TRPC5: variants seen among roughly 807,000 people sequenced by gnomAD.
TRPC5 encodes the protein short transient receptor potential channel 5.
In TRPC5, 9 loss-of-function variants were observed where a neutral mutation model predicts 56.5. That is an observed-to-expected ratio of 0.16 (90% CI 0.10 to 0.28). The LOEUF (loss-of-function observed/expected upper bound fraction) is 0.28, where lower values mean the gene tolerates loss of function less well. Among genes scored for constraint, TRPC5 ranks in the 10% least tolerant of loss-of-function variants. The pLI is 1.00. For synonymous variants in TRPC5, 282 were observed against 278.5 expected, an observed-to-expected ratio of 1.01 and a Z score of -0.13; for missense variants, 469 against 748.9, an observed-to-expected ratio of 0.63 and a Z score of 4.36.
At chrX:112,004,594 A>G (rs151139575) in intron 1 of TRPC5, among the ~76,000 whole-genome samples, 55 of 111,931 alleles carry the variant, frequency 4.9e-4, no homozygotes, top group African/African-American at 1.6e-3. Flanking sequence ...TCAGGTCCAT[A>G]TTAGACCTTC....
chrX:111,855,595 C>T (rs1923202543), intron 3 of TRPC5, among the ~76,000 whole-genome samples: 1 of 112,109 alleles, frequency 8.9e-6, no homozygotes, highest in Non-Finnish European at 1.9e-5. Context: ...TATGAAACTA[C>T]CAAAAATAAG....
intron 7 of TRPC5, among the ~76,000 whole-genome samples, chrX:111,824,867 A>G (rs972672510): frequency 4.5e-5 from 5 of 111,940 alleles, no homozygotes; most frequent in Non-Finnish European, 9.4e-5. Flanking sequence ...CAATCCTTAC[A>G]GTGTTACCGC....
At chrX:111,942,327 G>T (rs3944092) in intron 2 of TRPC5, among the ~76,000 whole-genome samples, 11,354 of 111,921 alleles carry the variant, frequency 0.1, 548 homozygotes, top group African/African-American at 0.19. Flanking sequence ...TTAGAAAGTT[G>T]AACAGAACTA....
intron 7 of TRPC5, among the ~76,000 whole-genome samples, chrX:111,790,063 A>G (rs1946006066): frequency 8.9e-6 from 1 of 112,199 alleles, no homozygotes; most frequent in Non-Finnish European, 1.9e-5. Context: ...TACTGGGTAT[A>G]TACCCAAAGG....
At chrX:111,877,720 A>T (rs1201030227) in intron 3 of TRPC5, among the ~76,000 whole-genome samples, 1 of 111,467 alleles carries the variant, frequency 9.0e-6, no homozygotes, top group African/African-American at 3.3e-5. Flanking sequence ...GAGAAGGGAC[A>T]TAAATGAATG....
At chrX:111,888,402 C>T (rs1298373744) in intron 3 of TRPC5, among the ~76,000 whole-genome samples, 2 of 107,139 alleles carry the variant, frequency 1.9e-5, no homozygotes, top group Non-Finnish European at 3.8e-5. Flanking sequence ...TAGCTGGGCG[C>T]GGTGGCTCAT....
chrX:111,783,391 A>G (rs1945936158), intron 7 of TRPC5, among the ~76,000 whole-genome samples: 1 of 111,550 alleles, frequency 9.0e-6, no homozygotes, highest in Non-Finnish European at 1.9e-5. Context: ...CAGAGTGGCT[A>G]TACTGTTTTC....
rs6642945 is a variant in TRPC5 at position 111,833,677 on chromosome X, C to T, written c.1896+1244G>A. Among the ~76,000 whole-genome samples the T allele has an allele frequency of 2.8e-4, 31 of 111,253 alleles. No individual in the cohort carries two copies. The East Asian group carries it at 7.6e-3, about 27-fold the overall frequency. ...GTCCTTAGTGGAAATGGATCACAGA[C>T]GTTCACTATTAACAATAACATTTAA... On this transcript the variant is annotated intron_variant, in intron 7 of 10. Transcript: ENST00000262839.
chrX:111,961,293 C>A (rs949737482), intron 1 of TRPC5, among the ~76,000 whole-genome samples: 2 of 112,121 alleles, frequency 1.8e-5, no homozygotes, highest in Non-Finnish European at 3.8e-5. Context: ...TAAAATAAAT[C>A]TTTCCAGTCT....
At chrX:111,823,664 T>C (rs1469183348) in intron 7 of TRPC5, among the ~76,000 whole-genome samples, 1 of 110,338 alleles carries the variant, frequency 9.1e-6, no homozygotes, top group Non-Finnish European at 1.9e-5. Flanking sequence ...CTAGTTGGCG[T>C]GTGTTGGGGG....
In TRPC5 at chrX:111,952,447, T is replaced by G; in HGVS notation, c.-21-6A>C. On this transcript the variant is annotated splice_polypyrimidine_tract_variant and splice_region_variant and intron_variant, in intron 1 of 10. Transcript: ENST00000262839. ...GTTCATAGCAATGCAGAAATCTGAG[T>G]GAGGAAACAGAGAAAGACCAAAATA... 8.5e-7 allele frequency: 1 copy of G among 1,175,486 alleles called. No homozygotes were observed. The highest frequency in any genetic ancestry group is 3.0e-5 in the East Asian group (1 of 33,435).
chrX:111,819,115 G>A (rs1454576854), intron 7 of TRPC5, among the ~76,000 whole-genome samples: 5 of 111,433 alleles, frequency 4.5e-5, no homozygotes, highest in Admixed American at 9.5e-5. Context: ...GTCTTTTTGG[G>A]AAGTGCACCG....
intron 7 of TRPC5, among the ~76,000 whole-genome samples, chrX:111,812,081 T>C (rs1368938225): frequency 9.2e-6 from 1 of 109,217 alleles, no homozygotes; most frequent in Non-Finnish European, 1.9e-5. Flanking sequence ...TTAATAAACT[T>C]GGCTAGATGT....
At chrX:111,983,892 G>A (rs1165588271) in intron 1 of TRPC5, among the ~76,000 whole-genome samples, 1 of 111,657 alleles carries the variant, frequency 9.0e-6, no homozygotes, top group Admixed American at 9.5e-5. Context: ...AGAAGACGGC[G>A]TAGCAGGAGA....
chrX:112,023,239 TTTTTTTG>T (rs1929325242), intron 1 of TRPC5, among the ~76,000 whole-genome samples: 8 of 97,217 alleles, frequency 8.2e-5, no homozygotes, highest in African/African-American at 3.0e-4. Flanking sequence ...CAGCAGTTTT[TTTTTTTG>T]TTTTTTTTTT....
At chrX:111,913,012 A>C (rs745631364) in intron 2 of TRPC5, among the ~76,000 whole-genome samples, 200 bp from the exon 3 acceptor site, 29 of 111,954 alleles carry the variant, frequency 2.6e-4, no homozygotes, top group African/African-American at 9.1e-4. Context: ...AGCACATTAC[A>C]TGTCTTTACT....
intron 1 of TRPC5, among the ~76,000 whole-genome samples, chrX:112,045,205 T>C (rs1318868453): frequency 8.9e-6 from 1 of 111,953 alleles, no homozygotes; most frequent in East Asian, 2.8e-4. Context: ...GATTATCTGA[T>C]GTGCCATAGA....
intron 1 of TRPC5, among the ~76,000 whole-genome samples, chrX:111,981,317 C>G (rs1475778932): frequency 9.0e-6 from 1 of 110,974 alleles, no homozygotes; most frequent in East Asian, 2.8e-4. Flanking sequence ...AGGAGGAGTC[C>G]CCACTTGCTC....
Position 111,793,592 on chromosome X carries a change from A to C in TRPC5, c.1897-11454T>G, listed in dbSNP as rs192446210. Among the ~76,000 whole-genome samples the C allele has an allele frequency of 1.7e-3, 192 of 111,700 alleles. No individual in the cohort carries two copies. The South Asian group carries it at 0.021, about 12-fold the overall frequency. The stretch of plus-strand genomic sequence containing the variant: ...TATACATAAATTGGTCCCCTCATAC[A>C]CTGCTCGTGTGTGTGTAAAATGGTA... On this transcript the variant is annotated intron_variant, in intron 7 of 10. Transcript: ENST00000262839.
Sources: allele counts gnomAD v4.1 joint callset (sites outside exome capture counted in the v4.1 genomes callset), GRCh38; gene constraint gnomAD v4.1.1; transcripts MANE v1.5; gene names NCBI Gene and HGNC (gene_info 2026-07-23, HGNC 2026-07-21).